The following MSN variants were observed in gnomAD, a reference collection of about 807,000 sequenced individuals.
The protein encoded by MSN is epididymis luminal protein 70.
In MSN, 2 loss-of-function variants were observed where a neutral mutation model predicts 48.0. The observed-to-expected ratio is 0.04, with a 90% CI of 0.02 to 0.13. The LOEUF (loss-of-function observed/expected upper bound fraction) is 0.13. Among genes scored for constraint, MSN ranks in the 10% least tolerant of loss-of-function variants. The pLI is 1.00. For synonymous variants in MSN, 146 were observed against 166.9 expected, an observed-to-expected ratio of 0.87 and a Z score of 0.97; for missense variants, 267 against 470.1, an observed-to-expected ratio of 0.57 and a Z score of 3.99.
intron 1 of MSN, among the ~76,000 whole-genome samples, chrX:65,597,771 T>C (rs2070199024): frequency 8.9e-6 from 1 of 112,291 alleles, no homozygotes; most frequent in African/African-American, 3.2e-5. Flanking sequence ...AGTGAGCTAG[T>C]CCTTTCCTAT....
rs757747484 is a variant in MSN at position 65,741,708 on chromosome X, G to A, written c.*1815G>A. ...ATTGCTGTGAATTAGCTCACTTGGT[G>A]ATATGTCCTATATTGGCTAAATTGA... On this transcript the variant is annotated 3_prime_UTR_variant, in exon 13 of 13. Transcript: ENST00000360270. 5.9e-6 allele frequency: 1 copy of A among 168,523 alleles called. No individual in the cohort carries two copies. The highest frequency in any genetic ancestry group is 1.1e-5 in the Non-Finnish European group (1 of 87,097). 13.9% of individuals were successfully genotyped at this position (168,523 alleles called of 1,213,427 possible).
At chrX:65,627,464 A>T (rs1262863499) in intron 1 of MSN, among the ~76,000 whole-genome samples, 1 of 110,837 alleles carries the variant, frequency 9.0e-6, no homozygotes, top group Non-Finnish European at 1.9e-5. Context: ...AAAATGAGAG[A>T]GAAGCAAAAG....
chrX:65,643,939 G>T (rs2070676758), intron 1 of MSN, among the ~76,000 whole-genome samples: 2 of 111,545 alleles, frequency 1.8e-5, no homozygotes. Context: ...TGGAAATGTT[G>T]GTCACCCTAC....
intron 1 of MSN, among the ~76,000 whole-genome samples, chrX:65,680,861 G>T (rs2071048126): frequency 9.0e-6 from 1 of 111,106 alleles, no homozygotes; most frequent in Non-Finnish European, 1.9e-5. Context: ...CGATTCTTGT[G>T]CCTCAGCCTC....
chrX:65,667,502 C>A (rs1211793320), upstream of MSN: 3 of 415,244 alleles, frequency 7.2e-6, no homozygotes, highest in Non-Finnish European at 9.1e-6. Flanking sequence ...CCCAGCCGGG[C>A]CCCCCACGTG....
intron 1 of MSN, among the ~76,000 whole-genome samples, chrX:65,681,920 A>AT (rs911157981): frequency 4.1e-4 from 44 of 107,574 alleles, no homozygotes; most frequent in Non-Finnish European, 5.6e-4. Flanking sequence ...CCAGTTTTTT[A>AT]TTTTTTTTTT....
At chrX:65,679,738 C>A (rs749016502) in intron 1 of MSN, among the ~76,000 whole-genome samples, 6 of 112,506 alleles carry the variant, frequency 5.3e-5, no homozygotes, top group South Asian at 3.6e-4. Flanking sequence ...GCTTGTGAAA[C>A]AAGGATCCCA....
intron 1 of MSN, among the ~76,000 whole-genome samples, chrX:65,601,889 G>A (rs941928469): frequency 4.5e-5 from 5 of 112,005 alleles, no homozygotes; most frequent in Non-Finnish European, 9.4e-5. Context: ...GTGGAAAGGA[G>A]GCCCAAGAAG....
intron 1 of MSN, among the ~76,000 whole-genome samples, chrX:65,592,016 G>C (rs757591133): frequency 9.2e-6 from 1 of 108,979 alleles, no homozygotes; most frequent in African/African-American, 3.3e-5. Context: ...GATGACAATT[G>C]GTACCTTCAG....
At chrX:65,629,602 G>A (rs988422301) in intron 1 of MSN, among the ~76,000 whole-genome samples, 2 of 111,871 alleles carry the variant, frequency 1.8e-5, no homozygotes, top group African/African-American at 6.5e-5. Context: ...CATGGCTGGG[G>A]AGGCCTCAGA....
chrX:65,603,223 G>C (rs969392905), intron 1 of MSN, among the ~76,000 whole-genome samples: 3 of 112,035 alleles, frequency 2.7e-5, no homozygotes, highest in African/African-American at 9.7e-5. Flanking sequence ...GAAGTTGGGA[G>C]GTGTAGGTTG....
At position 65,737,356 on chromosome X, in the gene MSN, G is replaced by A. The variant is rs1191576298; in HGVS notation, c.1251+18G>A. ...AACAGCTGGTAAAGCTGTAGGGTGGGCTGGGATTATGGGAACTGAACTTTC... is the reference window on the plus strand; with the variant it reads ...AACAGCTGGTAAAGCTGTAGGGTGGACTGGGATTATGGGAACTGAACTTTC... On this transcript the variant is annotated intron_variant, in intron 10 of 12. Coordinates refer to ENST00000360270, the MANE Select transcript of MSN (RefSeq NM_002444.3). The A allele has an allele frequency of 8.4e-7, 1 of 1,197,507 alleles. No individual in the cohort carries two copies. Among genetic ancestry groups the A allele is most frequent in the Non-Finnish European group, 1.1e-6 (1 of 888,668 alleles).
chrX:65,730,951 C>A (rs2071616298), intron 4 of MSN, among the ~76,000 whole-genome samples, 156 bp from the exon 5 acceptor site: 1 of 112,112 alleles, frequency 8.9e-6, no homozygotes, highest in Non-Finnish European at 1.9e-5. Flanking sequence ...AGTTTAACAC[C>A]TTCTTGCTAT....
chrX:65,715,826 T>C (rs2071458731), intron 1 of MSN, among the ~76,000 whole-genome samples: 1 of 111,939 alleles, frequency 8.9e-6, no homozygotes, highest in African/African-American at 3.2e-5. Flanking sequence ...TTTCTTTCTC[T>C]GGTCTGATTG....
intron 1 of MSN, among the ~76,000 whole-genome samples, chrX:65,653,210 A>G (rs1411107074): frequency 9.0e-6 from 1 of 111,338 alleles, no homozygotes; most frequent in Non-Finnish European, 1.9e-5. Context: ...CCAACACCAC[A>G]TTCTCTGGAG....
intron 1 of MSN, among the ~76,000 whole-genome samples, chrX:65,601,176 T>C (rs772715453): frequency 4.5e-5 from 5 of 112,057 alleles, no homozygotes; most frequent in Non-Finnish European, 7.5e-5. Flanking sequence ...GGAGGGCTTA[T>C]ACTGCTCTGA....
At chrX:65,605,437 G>T (rs911026906) in intron 1 of MSN, among the ~76,000 whole-genome samples, 8 of 112,268 alleles carry the variant, frequency 7.1e-5, no homozygotes, top group South Asian at 3.7e-4. Context: ...CCTATCATCT[G>T]TCAACTGGAT....
chrX:65,678,043 A>T (rs1260449847), intron 1 of MSN, among the ~76,000 whole-genome samples: 1 of 111,039 alleles, frequency 9.0e-6, no homozygotes, highest in African/African-American at 3.3e-5. Flanking sequence ...TTCTGGTCTT[A>T]GGCCAGTTGC....
intron 1 of MSN, among the ~76,000 whole-genome samples, chrX:65,657,202 A>C (rs186669451): frequency 1.6e-4 from 18 of 111,420 alleles, no homozygotes; most frequent in Non-Finnish European, 3.0e-4. Context: ...AAGATGATGA[A>C]ACTGTGCACA....
Sources: gnomAD v4.1 joint callset for allele counts (sites outside exome capture counted in the v4.1 genomes callset) on GRCh38, gnomAD v4.1.1 for gene constraint, MANE v1.5 for transcripts, NCBI Gene and HGNC (gene_info 2026-07-23, HGNC 2026-07-21) for gene names.